The following UBTD1 variants were observed in gnomAD, a reference collection of about 807,000 sequenced individuals.
The protein encoded by UBTD1 is ubiquitin domain containing 1, also known as ubiquitin domain-containing protein 1.
UBTD1 carries 19 observed loss-of-function variants against 21.7 expected under a neutral mutation model. That is an observed-to-expected ratio of 0.87 (90% CI 0.61 to 1.28). UBTD1 has a LOEUF of 1.28. Among genes scored for constraint, UBTD1 ranks in the 50% most tolerant of loss-of-function variants. UBTD1 has a pLI of 0.00. For missense variants in UBTD1, 282 were observed against 315.1 expected, an observed-to-expected ratio of 0.89 and a Z score of 0.80; for synonymous variants, 116 against 135.1, an observed-to-expected ratio of 0.86 and a Z score of 0.98.
chr10:97,545,022 G>A (rs573485553), intron 1 of UBTD1, among the ~76,000 whole-genome samples: 1 of 152,010 alleles, frequency 6.6e-6, no homozygotes, highest in African/African-American at 2.4e-5. Context: ...AGGGTCAACC[G>A]TATGATGACA....
At chr10:97,504,289 G>C (rs1589866115) in intron 1 of UBTD1, among the ~76,000 whole-genome samples, 1 of 145,426 alleles carries the variant, frequency 6.9e-6, no homozygotes, top group Admixed American at 7.2e-5. Context: ...ACTCTAAACT[G>C]TAAGTCAGAT....
At chr10:97,546,138 T>C (rs2040609694) in intron 1 of UBTD1, among the ~76,000 whole-genome samples, 1 of 152,204 alleles carries the variant, frequency 6.6e-6, no homozygotes, top group African/African-American at 2.4e-5. Flanking sequence ...GGCTTCTTTG[T>C]GGCATGGTGA....
chr10:97,556,832 C>A (rs1051229398), intron 1 of UBTD1, among the ~76,000 whole-genome samples: 13 of 152,214 alleles, frequency 8.5e-5, no homozygotes, highest in African/African-American at 3.1e-4. Flanking sequence ...TGGGCCCAAA[C>A]AGTCTGCAAC....
At chr10:97,520,254 A>T (rs183351875) in intron 1 of UBTD1, among the ~76,000 whole-genome samples, 6 of 152,222 alleles carry the variant, frequency 3.9e-5, no homozygotes, top group Non-Finnish European at 7.4e-5. Context: ...TCTCAGTTGG[A>T]TCAAACCCTC....
At chr10:97,516,779 AAAAG>A (rs989408230) in intron 1 of UBTD1, among the ~76,000 whole-genome samples, 5 of 152,006 alleles carry the variant, frequency 3.3e-5, no homozygotes, top group African/African-American at 1.2e-4. Context: ...TCAAAAAAAA[AAAAG>A]AAACCCATCT....
intron 1 of UBTD1, among the ~76,000 whole-genome samples, chr10:97,499,524 G>A (rs1343686484): frequency 2.6e-5 from 4 of 152,192 alleles, no homozygotes; most frequent in Non-Finnish European, 5.9e-5. Flanking sequence ...TGGGGGTGGG[G>A]GCAGGAAATG....
intron 1 of UBTD1, among the ~76,000 whole-genome samples, chr10:97,542,822 A>G (rs1351162459): frequency 3.3e-5 from 5 of 152,210 alleles, no homozygotes; most frequent in Non-Finnish European, 5.9e-5. Context: ...AGGGCTGTCC[A>G]TATGGTCAGC....
intron 1 of UBTD1, among the ~76,000 whole-genome samples, chr10:97,565,876 C>CT (rs1239402508): frequency 6.6e-6 from 1 of 151,844 alleles, no homozygotes; most frequent in East Asian, 1.9e-4. Flanking sequence ...CCATGCCCGA[C>CT]TAATTTTTTG....
Position 97,570,384 on chromosome 10 carries a change from A to G in UBTD1, c.545A>G (p.Glu182Gly). 6.2e-7 allele frequency: 1 copy of G among 1,613,380 alleles called. No homozygotes were observed. Among genetic ancestry groups the G allele is most frequent in the Non-Finnish European group, 8.5e-7 (1 of 1,180,010 alleles). ...GQLKRQLHAQEGIEPSWQRWF... is the reference protein window; with the variant it reads ...GQLKRQLHAQGGIEPSWQRWF... ...CTCAAGAGGCAGCTGCACGCCCAGG[A>G]GGGCATCGAGCCATCGTGGCAGCGG... The change falls in exon 3 of 3, where the codon GAG (glutamate) becomes GGG (glycine). Residue 182 changes from glutamate to glycine, a missense_variant. Glu to Gly is a moderately conservative substitution (Grantham distance 98, BLOSUM62 -2). Transcript: ENST00000370664. This position sits in a 1 kb window ranked among gnomAD's most constrained non-coding sequence, Gnocchi z 6.6.
intron 1 of UBTD1, among the ~76,000 whole-genome samples, chr10:97,531,108 C>G (rs939364151): frequency 6.6e-6 from 1 of 151,982 alleles, no homozygotes; most frequent in African/African-American, 2.4e-5. Flanking sequence ...AGGATGGTCT[C>G]CATCTCCTGA....
intron 1 of UBTD1, among the ~76,000 whole-genome samples, chr10:97,556,112 C>T (rs1023421482): frequency 6.6e-6 from 1 of 152,118 alleles, no homozygotes; most frequent in Non-Finnish European, 1.5e-5. Flanking sequence ...TGGAGAAATA[C>T]AGGTATCAGA....
chr10:97,536,265 T>C (rs983984133), intron 1 of UBTD1, among the ~76,000 whole-genome samples: 7 of 152,148 alleles, frequency 4.6e-5, no homozygotes, highest in African/African-American at 1.4e-4. Flanking sequence ...GTGCTGGGAT[T>C]ACAGGTGAGA....
chr10:97,553,076 A>G (rs190388073), intron 1 of UBTD1, among the ~76,000 whole-genome samples: 1 of 152,362 alleles, frequency 6.6e-6, no homozygotes, highest in African/African-American at 2.4e-5. Flanking sequence ...CAGCATATGA[A>G]TGTTCACACT....
chr10:97,506,157 T>A (rs923186498), intron 1 of UBTD1, among the ~76,000 whole-genome samples: 1 of 152,044 alleles, frequency 6.6e-6, no homozygotes, highest in Non-Finnish European at 1.5e-5. Flanking sequence ...GACCTAGTGG[T>A]GGGCAGAGGG....
chr10:97,527,565 G>A (rs757640505), intron 1 of UBTD1, among the ~76,000 whole-genome samples: 35 of 152,142 alleles, frequency 2.3e-4, no homozygotes, highest in Admixed American at 5.2e-4. Context: ...GGGAAGGTCA[G>A]CAGATAAACA....
In UBTD1 at chr10:97,570,746, G is replaced by T. The variant is rs1020427564; in HGVS notation, c.*223G>T. ...GCCTTGCAACCTTGTCAGAGAAAAG[G>T]CGAACAGGGCCCTCACCCTGCCTGT... On this transcript the variant is annotated 3_prime_UTR_variant, in exon 3 of 3. Coordinates refer to ENST00000370664, the MANE Select transcript of UBTD1 (RefSeq NM_024954.5). This position sits in a 1 kb window ranked among gnomAD's most constrained non-coding sequence, Gnocchi z 6.6. The T allele has an allele frequency of 7.1e-6, 4 of 562,932 alleles. No individual in the cohort carries two copies. The highest frequency in any genetic ancestry group is 5.8e-5 in the East Asian group (2 of 34,700). 34.9% of individuals were successfully genotyped at this position (562,932 alleles called of 1,614,324 possible). A position where few individuals can be genotyped will look rare whatever the true frequency, so the allele number is the denominator to read the frequency against.
chr10:97,551,168 A>G (rs987163285), intron 1 of UBTD1, among the ~76,000 whole-genome samples: 4 of 152,290 alleles, frequency 2.6e-5, no homozygotes, highest in African/African-American at 9.6e-5. Context: ...GGAGATCCTA[A>G]TACGGGAGGT....
intron 1 of UBTD1, among the ~76,000 whole-genome samples, chr10:97,564,088 G>A (rs953819864): frequency 2.0e-4 from 30 of 152,248 alleles, no homozygotes; most frequent in African/African-American, 7.0e-4. Context: ...CCGGTCCATC[G>A]AGGTTGTAGA....
At chr10:97,500,180 C>A (rs1217313533) in intron 1 of UBTD1, among the ~76,000 whole-genome samples, 1 of 152,224 alleles carries the variant, frequency 6.6e-6, no homozygotes, top group Non-Finnish European at 1.5e-5. Flanking sequence ...AGTCACACAG[C>A]TAGTTAGGAG....
Sources: allele counts gnomAD v4.1 joint callset (sites outside exome capture counted in the v4.1 genomes callset), GRCh38; gene constraint gnomAD v4.1.1; non-coding constraint Gnocchi (gnomAD v3.1); transcripts MANE v1.5; gene names NCBI Gene and HGNC (gene_info 2026-07-23, HGNC 2026-07-21).